The following NTM variants were observed in gnomAD, a reference collection of about 807,000 sequenced individuals.
The protein encoded by NTM is IgLON family member 2.
In NTM, 13 loss-of-function variants were observed where a neutral mutation model predicts 42.1. The observed-to-expected ratio is 0.31, with a 90% CI of 0.20 to 0.49. The LOEUF (loss-of-function observed/expected upper bound fraction) is 0.49. Ranked by LOEUF, NTM falls within the 20% of genes least tolerant of loss-of-function variation. The pLI is 0.99. For synonymous variants in NTM, 187 were observed against 179.2 expected, an observed-to-expected ratio of 1.04 and a Z score of -0.35; for missense variants, 373 against 452.8, an observed-to-expected ratio of 0.82 and a Z score of 1.60.
intron 3 of NTM, among the ~76,000 whole-genome samples, chr11:132,148,261 A>G (rs1030790514): frequency 2.0e-5 from 3 of 152,236 alleles, no homozygotes; most frequent in African/African-American, 7.2e-5. Context: ...AGGTATTGCC[A>G]TGTGAGATTT....
At chr11:131,885,160 G>C (rs998818787) in intron 1 of NTM, among the ~76,000 whole-genome samples, 5 of 152,338 alleles carry the variant, frequency 3.3e-5, no homozygotes, top group Admixed American at 1.3e-4. Flanking sequence ...CACCTCACCC[G>C]GGAAGCAGAG....
intron 2 of NTM, among the ~76,000 whole-genome samples, chr11:132,070,163 G>A (rs879932902): frequency 7.0e-4 from 47 of 67,592 alleles, no homozygotes; most frequent in African/African-American, 1.3e-3. Flanking sequence ...CAAACTGACC[G>A]TCACAGGTTA....
chr11:131,470,262 C>A (rs950202256), intron 1 of NTM, among the ~76,000 whole-genome samples: 1 of 152,182 alleles, frequency 6.6e-6, no homozygotes, highest in Admixed American at 6.5e-5. Context: ...CAAGAGAGTT[C>A]TCAGTTGTCT....
At chr11:131,616,364 G>C (rs999960325) in intron 1 of NTM, among the ~76,000 whole-genome samples, 5 of 152,208 alleles carry the variant, frequency 3.3e-5, no homozygotes, top group Admixed American at 2.0e-4. Flanking sequence ...TCAAACTGGA[G>C]AGTGGGAAAT....
intron 1 of NTM, among the ~76,000 whole-genome samples, chr11:131,456,229 G>A (rs11222628): frequency 6.6e-5 from 10 of 152,256 alleles, no homozygotes; most frequent in East Asian, 5.8e-4. Flanking sequence ...GTAGCAGCAG[G>A]TTGTTTCAGT....
intron 2 of NTM, among the ~76,000 whole-genome samples, chr11:132,079,008 A>G (rs1008348634): frequency 2.0e-5 from 3 of 152,162 alleles, no homozygotes; most frequent in Non-Finnish European, 4.4e-5. Context: ...TCCTAGGAGG[A>G]CCGACAGCAT....
chr11:131,458,301 G>A (rs1347223454), intron 1 of NTM, among the ~76,000 whole-genome samples: 3 of 152,182 alleles, frequency 2.0e-5, no homozygotes, highest in African/African-American at 2.4e-5. Context: ...TGGCTATGCC[G>A]AGATCACCTG....
intron 1 of NTM, among the ~76,000 whole-genome samples, chr11:131,500,654 A>G (rs2046691930): frequency 6.7e-6 from 1 of 148,182 alleles, no homozygotes; most frequent in African/African-American, 2.5e-5. Flanking sequence ...TTACATATGG[A>G]TACATGCACC....
chr11:132,310,358 G>C, intron 6 of NTM, 126 bp downstream of exon 6: 1 of 862,600 alleles, frequency 1.2e-6, no homozygotes, highest in South Asian at 3.1e-5. Context: ...TCTCTATAGG[G>C]GGCAAATGTG....
chr11:131,514,566 T>G, intron 1 of NTM, among the ~76,000 whole-genome samples: 1 of 152,262 alleles, frequency 6.6e-6, no homozygotes, highest in African/African-American at 2.4e-5. Flanking sequence ...AAATTTGTTT[T>G]GTGATTTATT....
chr11:131,863,563 G>A (rs976258936), intron 1 of NTM, among the ~76,000 whole-genome samples: 3 of 152,194 alleles, frequency 2.0e-5, no homozygotes, highest in Non-Finnish European at 4.4e-5. Flanking sequence ...CGAATGCAAA[G>A]GCCATGAGCT....
At chr11:132,077,877 A>G (rs1416182749) in intron 2 of NTM, among the ~76,000 whole-genome samples, 5 of 152,214 alleles carry the variant, frequency 3.3e-5, no homozygotes, top group Admixed American at 1.3e-4. Flanking sequence ...CTGGGATTAC[A>G]GTTTTGAACT....
At chr11:131,377,330 C>T (rs1055044138) in intron 1 of NTM, among the ~76,000 whole-genome samples, 1 of 152,180 alleles carries the variant, frequency 6.6e-6, no homozygotes. Flanking sequence ...GTTTGAGTTA[C>T]TGGTTGATGC....
At chr11:131,823,499 C>T (rs901071221) in intron 1 of NTM, among the ~76,000 whole-genome samples, 4 of 152,142 alleles carry the variant, frequency 2.6e-5, no homozygotes, top group Non-Finnish European at 2.9e-5. Flanking sequence ...TCTAGCTGAC[C>T]TGTGGCCAGC....
chr11:132,257,299 T>C (rs2092560844), intron 4 of NTM, among the ~76,000 whole-genome samples: 1 of 152,192 alleles, frequency 6.6e-6, no homozygotes, highest in Admixed American at 6.5e-5. Context: ...GGAGAACTTG[T>C]GGTGGGTCTA....
chr11:131,562,183 C>G (rs1354226287), intron 1 of NTM, among the ~76,000 whole-genome samples: 2 of 152,090 alleles, frequency 1.3e-5, no homozygotes, highest in East Asian at 3.9e-4. Context: ...ACAGCCCTGT[C>G]ACGCTGACTT....
chr11:132,019,868 G>A (rs1296090202), intron 2 of NTM, among the ~76,000 whole-genome samples: 1 of 150,738 alleles, frequency 6.6e-6, no homozygotes, highest in Non-Finnish European at 1.5e-5. Flanking sequence ...TTTTTTTCAG[G>A]GGGTACATGT....
At chr11:132,148,013 G>C (rs1278822922) in intron 3 of NTM, among the ~76,000 whole-genome samples, 1 of 152,196 alleles carries the variant, frequency 6.6e-6, no homozygotes, top group Non-Finnish European at 1.5e-5. Context: ...TGCTGGACCT[G>C]GCTGTGGGCA....
chr11:132,264,784 C>G (rs547243477), intron 4 of NTM, among the ~76,000 whole-genome samples: 1 of 152,182 alleles, frequency 6.6e-6, no homozygotes, highest in Non-Finnish European at 1.5e-5. Context: ...CCAGGCCTTG[C>G]AATGTTTCCG....
Sources: allele counts gnomAD v4.1 joint callset (sites outside exome capture counted in the v4.1 genomes callset), GRCh38; gene constraint gnomAD v4.1.1; transcripts MANE v1.5; gene names NCBI Gene and HGNC (gene_info 2026-07-23, HGNC 2026-07-21).